UNC79: variants seen among roughly 807,000 people sequenced by gnomAD.
The protein encoded by UNC79 is protein unc-79 homolog.
UNC79 carries 37 observed loss-of-function variants against 283.1 expected under a neutral mutation model. The observed-to-expected ratio is 0.13, with a 90% CI of 0.10 to 0.17. The LOEUF is 0.17. Ranked by LOEUF, UNC79 falls within the 10% of genes least tolerant of loss-of-function variation. The pLI, the probability that UNC79 is intolerant of heterozygous loss-of-function variation, is 1.00. For missense variants in UNC79, 2,272 were observed against 3,211.1 expected (o/e 0.71, Z 7.07); for synonymous variants, 1,107 against 1,200.2 (o/e 0.92, Z 1.61).
At chr14:93,441,116 C>T (rs2056285263) in intron 1 of UNC79, among the ~76,000 whole-genome samples, 1 of 152,064 alleles carries the variant, frequency 6.6e-6, no homozygotes, top group Non-Finnish European at 1.5e-5. Context: ...TACTGTGTTA[C>T]TGGGTGCATA....
exon 30 of UNC79, chr14:93,622,491 C>G (rs137862877): frequency 6.2e-7 from 1 of 1,614,048 alleles, no homozygotes; most frequent in Non-Finnish European, 8.5e-7. Flanking sequence ...CTTCAGAAGT[C>G]GTTTGCTCTC....
rs77533705 is a variant in UNC79 at position 93,688,173 on chromosome 14, T to C, written c.6910-492T>C. Among the ~76,000 whole-genome samples the C allele has an allele frequency of 0.018, 2,683 of 152,308 alleles. 70 individuals are homozygous for C. The highest frequency in any genetic ancestry group is 0.058 in the African/African-American group (2,418 of 41,558). ...AAAGCGGACACAGTAGCTGCTCTCA[T>C]TTAATTTATAGTCTGGTAGTGGAGG... On this transcript the variant is annotated intron_variant, in intron 43 of 48. Transcript: ENST00000555664. This position sits in a 1 kb window ranked among gnomAD's most constrained non-coding sequence, Gnocchi z 4.0.
At chr14:93,404,493 A>ATATATATATAT (rs1555404554) in intron 1 of UNC79, among the ~76,000 whole-genome samples, 3 of 61,500 alleles carry the variant, frequency 4.9e-5, no homozygotes, top group African/African-American at 2.0e-4. Context: ...TTCTAAAAAA[A>ATATATATATAT]ATATATATAT....
chr14:93,704,116 C>T (rs1750627962), intron 47 of UNC79, among the ~76,000 whole-genome samples: 1 of 152,210 alleles, frequency 6.6e-6, no homozygotes, highest in South Asian at 2.1e-4. Context: ...CCACACTTCG[C>T]AGACACCCGG....
At chr14:93,582,490 G>T (rs2063892443) in intron 20 of UNC79, 146 bp downstream of exon 20, 9 of 1,230,374 alleles carry the variant, frequency 7.3e-6, no homozygotes, top group Non-Finnish European at 9.8e-6. Flanking sequence ...TCTCCCAGCG[G>T]ATTATAAAAT....
exon 22 of UNC79, chr14:93,586,881 A>T (rs149552452): frequency 6.2e-7 from 1 of 1,613,964 alleles, no homozygotes; most frequent in African/African-American, 1.3e-5. Context: ...TTTTTAGCCT[A>T]CATTCAGGAC....
chr14:93,570,717 T>C (rs1268618142), intron 14 of UNC79, among the ~76,000 whole-genome samples: 1 of 152,216 alleles, frequency 6.6e-6, no homozygotes, highest in Non-Finnish European at 1.5e-5. Flanking sequence ...TTAGGACATT[T>C]GCTTAGGGTA....
chr14:93,483,890 T>G lies in UNC79; in HGVS notation c.620-3773T>G, dbSNP rs977788950. On this transcript the variant is annotated intron_variant, in intron 4 of 48. Coordinates refer to ENST00000555664, the Ensembl canonical transcript of UNC79. ...GAACTCATCCTTTTTTATGGCTGCA[T>G]AGTATTCCATGGTGTATATGTGCCA... Among the ~76,000 whole-genome samples, 16 of 152,252 alleles carry G rather than the reference T, an allele frequency of 1.1e-4. 1 individual carries two copies. The highest frequency in any genetic ancestry group is 2.1e-4 in the Non-Finnish European group (14 of 68,044).
intron 14 of UNC79, among the ~76,000 whole-genome samples, chr14:93,561,651 G>C (rs2062560944): frequency 6.6e-6 from 1 of 152,142 alleles, no homozygotes; most frequent in Non-Finnish European, 1.5e-5. Flanking sequence ...CATAAGAATG[G>C]GAATGAGAAT....
chr14:93,535,282 G>A (rs1353404085), intron 11 of UNC79, among the ~76,000 whole-genome samples: 1 of 152,156 alleles, frequency 6.6e-6, no homozygotes, highest in Non-Finnish European at 1.5e-5. Context: ...AAACTTAGTA[G>A]GAATCCTAGC....
chr14:93,652,240 C>T (rs2070365057), intron 35 of UNC79, among the ~76,000 whole-genome samples: 1 of 151,888 alleles, frequency 6.6e-6, no homozygotes, highest in African/African-American at 2.4e-5. Context: ...TGAGGTATTT[C>T]CAGTTTGAGG....
chr14:93,527,389 A>G (rs775763339), intron 8 of UNC79, among the ~76,000 whole-genome samples: 3 of 152,258 alleles, frequency 2.0e-5, no homozygotes, highest in Non-Finnish European at 2.9e-5. Context: ...TAAAATATTT[A>G]CAAAAAAAGT....
At position 93,617,115 on chromosome 14, in the gene UNC79, A is replaced by C; in HGVS notation, c.4042-7A>C. 6.3e-7 allele frequency: 1 copy of C among 1,595,542 alleles called. No individual in the cohort carries two copies. On this transcript the variant is annotated splice_polypyrimidine_tract_variant and splice_region_variant and intron_variant, in intron 27 of 48. Transcript: ENST00000555664. This position sits in a 1 kb window ranked among gnomAD's most constrained non-coding sequence, Gnocchi z 4.5. ...TCCATCAGTTATTAATATTTTTTCT[A>C]TTTCAGGTTATGGACTATAACATTA...
intron 19 of UNC79, 22 bp from the exon 20 acceptor site, chr14:93,582,181 C>T (rs2063869397): frequency 6.2e-7 from 1 of 1,613,950 alleles, no homozygotes; most frequent in Admixed American, 1.7e-5. Flanking sequence ...GCTTACCTGG[C>T]TGCCTGTCCT....
At chr14:93,673,763 A>G (rs542677910) in intron 41 of UNC79, among the ~76,000 whole-genome samples, 7 of 152,288 alleles carry the variant, frequency 4.6e-5, no homozygotes, top group African/African-American at 1.7e-4. Flanking sequence ...GGGTCAGGTC[A>G]GTCACCAGAG....
intron 1 of UNC79, among the ~76,000 whole-genome samples, chr14:93,354,198 G>T (rs1397379547): frequency 6.6e-6 from 1 of 152,196 alleles, no homozygotes; most frequent in Non-Finnish European, 1.5e-5. Flanking sequence ...TTTTGAGTGA[G>T]AAGGAAAGTG....
chr14:93,481,620 A>C (rs2058144679), intron 4 of UNC79, among the ~76,000 whole-genome samples: 1 of 152,140 alleles, frequency 6.6e-6, no homozygotes, highest in Non-Finnish European at 1.5e-5. Flanking sequence ...AGGAAAAATA[A>C]AGGTTCATTT....
At chr14:93,630,953 GA>G in intron 31 of UNC79, 45 bp downstream of exon 33, 1 of 1,530,694 alleles carries the variant, frequency 6.5e-7, no homozygotes, top group Non-Finnish European at 9.0e-7. Flanking sequence ...ATTTATTTTG[GA>G]ACACTGTCTG....
chr14:93,447,905 A>G (rs1489246211), intron 1 of UNC79, among the ~76,000 whole-genome samples: 1 of 152,052 alleles, frequency 6.6e-6, no homozygotes, highest in African/African-American at 2.4e-5. Flanking sequence ...ACTGGTTTTA[A>G]GATCTGCTCT....
Sources: allele counts gnomAD v4.1 joint callset (sites outside exome capture counted in the v4.1 genomes callset), GRCh38; gene constraint gnomAD v4.1.1; non-coding constraint Gnocchi (gnomAD v3.1); transcripts MANE v1.5; gene names NCBI Gene and HGNC (gene_info 2026-07-23, HGNC 2026-07-21).